Variants in PCDHGA7 observed in about 807,000 individuals in gnomAD.
The protein encoded by PCDHGA7 is protocadherin gamma-A7.
In PCDHGA7, 44 loss-of-function variants were observed where a neutral mutation model predicts 58.3. The ratio of observed to expected loss-of-function variants is 0.75; its 90% CI spans 0.59 to 0.97. The LOEUF is 0.97. Ranked by LOEUF, PCDHGA7 falls within the 50% of genes least tolerant of loss-of-function variation. The pLI is 0.00. For missense variants in PCDHGA7, 1,266 were observed against 1,188.7 expected (o/e 1.06, Z -0.96); for synonymous variants, 516 against 504.2 (o/e 1.02, Z -0.31).
At chr5:141,414,118 G>C (rs559064215) in intron 1 of PCDHGA7, 1 of 1,592,490 alleles carries the variant, frequency 6.3e-7, no homozygotes, top group Admixed American at 1.8e-5. Flanking sequence ...AGATTATGAA[G>C]AAACCGGTTT....
chr5:141,415,966 C>G, intron 1 of PCDHGA7: 1 of 405,604 alleles, frequency 2.5e-6, no homozygotes, highest in Non-Finnish European at 4.0e-6. Flanking sequence ...AAACTCCAGC[C>G]CCTTAAGCAA....
Position 141,384,902 on chromosome 5 carries a change from T to A in PCDHGA7, c.2003T>A (p.Ile668Asn). 3.1e-6 allele frequency: 5 copies of A among 1,613,898 alleles called. No homozygotes were observed. The highest frequency in any genetic ancestry group is 4.2e-6 in the Non-Finnish European group (5 of 1,180,006). ...VTLTVAVADS[I>N]PEVLADLGSL... ...CTCACCGTGGCTGTGGCTGACAGCA[T>A]CCCCGAAGTCTTGGCCGACCTGGGC... is the stretch of plus-strand genomic sequence containing the variant. The change falls in exon 1 of 4, where the codon ATC (isoleucine) becomes AAC (asparagine). Residue 668 changes from isoleucine to asparagine, a missense_variant. By Grantham distance (149) the Ile-to-Asn change is moderately radical. Coordinates refer to ENST00000518325, the MANE Select transcript of PCDHGA7 (RefSeq NM_018920.4).
chr5:141,412,790 A>G lies in PCDHGA7; in HGVS notation c.2424+27467A>G, dbSNP rs557299291. ...ATTTACAATATTTTCACTCCACTTTATCACACCTCCCCTAAGAAACCTACA... is the reference window on the plus strand; with the variant it reads ...ATTTACAATATTTTCACTCCACTTTGTCACACCTCCCCTAAGAAACCTACA... On this transcript the variant is annotated intron_variant, in intron 1 of 3. Coordinates refer to ENST00000518325, the MANE Select transcript of PCDHGA7 (RefSeq NM_018920.4). Among the ~76,000 whole-genome samples the G allele has an allele frequency of 2.0e-5, 3 of 152,370 alleles. No individual in the cohort carries two copies. The South Asian group carries it at 6.2e-4, about 32-fold the overall frequency.
rs749503295 is a variant in PCDHGA7 at position 141,383,515 on chromosome 5, C to A, written c.616C>A (p.Arg206=). Residue 206 remains arginine, a synonymous_variant, in exon 1 of 4, where the codon CGG becomes AGG. Transcript: ENST00000518325. ...LERVLDREEE[R]VHHLVLTASD... ...GCGGGTGCTGGACCGGGAGGAAGAG[C>A]GGGTTCACCACCTGGTCCTCACAGC... 4 of 1,612,348 alleles carry A rather than the reference C, an allele frequency of 2.5e-6. No individual in the cohort carries two copies. Among genetic ancestry groups the A allele is most frequent in the Admixed American group, 1.7e-5 (1 of 59,760 alleles).
chr5:141,388,384 T>G, intron 1 of PCDHGA7: 3 of 1,614,014 alleles, frequency 1.9e-6, no homozygotes, highest in Non-Finnish European at 2.5e-6. Context: ...AGCAACACAC[T>G]GCAGAATTAC....
rs759862188 is a variant in PCDHGA7, at chr5:141,383,373, G to A, written c.474G>A (p.Gly158=). Residue 158 remains glycine, a synonymous_variant, in exon 1 of 4, where the codon GGG becomes GGA. Coordinates refer to ENST00000518325, the MANE Select transcript of PCDHGA7 (RefSeq NM_018920.4). ...PGVRFPLSEA[G]DPDVGTNSLQ... is the part of the protein sequence containing the mutation. ...TTCGGTTTCCGTTAAGCGAGGCTGG[G>A]GATCCAGATGTGGGCACGAACTCCC... 1.2e-6 allele frequency: 2 copies of A among 1,614,030 alleles called. No homozygotes were observed. Among genetic ancestry groups the A allele is most frequent in the South Asian group, 2.2e-5 (2 of 91,088 alleles).
At position 141,487,610 on chromosome 5, in the gene PCDHGA7, C is replaced by A; in HGVS notation, c.2425-7197C>A. On this transcript the variant is annotated intron_variant, in intron 1 of 3. Transcript: ENST00000518325. The surrounding 1 kb of genome is among the most constrained non-coding windows in gnomAD (Gnocchi z 5.0). ...CCCACCCTCTGATCTTCTCTATGGG[C>A]TAGAGGTGAGACCTTTGCAGGCTCA... The A allele has an allele frequency of 6.2e-7, 1 of 1,614,190 alleles. No homozygotes were observed. The highest frequency in any genetic ancestry group is 1.1e-5 in the South Asian group (1 of 91,078).
In PCDHGA7 at chr5:141,487,227, G is replaced by A. The variant is rs763361726; in HGVS notation, c.2425-7580G>A. The A allele has an allele frequency of 6.2e-7, 1 of 1,614,070 alleles. No individual in the cohort carries two copies. Among genetic ancestry groups the A allele is most frequent in the Non-Finnish European group, 8.5e-7 (1 of 1,179,952 alleles). On this transcript the variant is annotated intron_variant, in intron 1 of 3. Transcript: ENST00000518325. The surrounding 1 kb of genome is among the most constrained non-coding windows in gnomAD (Gnocchi z 5.0). The stretch of plus-strand genomic sequence containing the variant: ...CGAGAATCTTCAGCTCCAAGGGAAG[G>A]AGAATCTCGTCTAACCCTCTACTTG...
chr5:141,485,070 G>A lies in PCDHGA7; in HGVS notation c.2425-9737G>A. On this transcript the variant is annotated intron_variant, in intron 1 of 3. Coordinates refer to ENST00000518325, the MANE Select transcript of PCDHGA7 (RefSeq NM_018920.4). The surrounding 1 kb of genome is among the most constrained non-coding windows in gnomAD (Gnocchi z 5.7). ...CGCCGGCCGAACCGCGCCAGAGCTG[G>A]CGCGGGGAAAGGGAGATAGGTGTCT... is the stretch of plus-strand genomic sequence containing the variant. The A allele has an allele frequency of 1.1e-6, 1 of 908,406 alleles. No individual in the cohort carries two copies. Among genetic ancestry groups the A allele is most frequent in the Non-Finnish European group, 1.7e-6 (1 of 580,008 alleles). 56.3% of individuals were successfully genotyped at this position (908,406 alleles called of 1,614,324 possible). A position where few individuals can be genotyped will look rare whatever the true frequency, so the allele number is the denominator to read the frequency against.
chr5:141,401,819 G>A (rs2094196222), intron 1 of PCDHGA7, among the ~76,000 whole-genome samples: 3 of 152,280 alleles, frequency 2.0e-5, no homozygotes, highest in Middle Eastern at 3.4e-3. Flanking sequence ...TCCTTACAAA[G>A]TGCTGAGATT....
intron 1 of PCDHGA7, among the ~76,000 whole-genome samples, chr5:141,387,115 T>C (rs2090824355): frequency 6.6e-6 from 1 of 152,224 alleles, no homozygotes. Context: ...AATATTCCTG[T>C]AATGAAATCA....
At chr5:141,510,349 C>T (rs1461596705) in intron 3 of PCDHGA7, among the ~76,000 whole-genome samples, 1 of 148,468 alleles carries the variant, frequency 6.7e-6, no homozygotes, top group Non-Finnish European at 1.5e-5. Context: ...CACACACTTA[C>T]TAACGGAACT....
At chr5:141,410,631 C>A (rs1227907799) in intron 1 of PCDHGA7, 1 of 1,600,936 alleles carries the variant, frequency 6.2e-7, no homozygotes, top group East Asian at 2.2e-5. Context: ...GTGAGTTTCT[C>A]TTTTTTGTGT....
At position 141,511,319 on chromosome 5, in the gene PCDHGA7, C is replaced by T. The variant is rs2099883711; in HGVS notation, c.*146C>T. On this transcript the variant is annotated 3_prime_UTR_variant, in exon 4 of 4. Coordinates refer to ENST00000518325, the MANE Select transcript of PCDHGA7 (RefSeq NM_018920.4). ...CCATGCTCCCCTTGGGAAACAGAAA[C>T]AAGTGCCCAGTCAGCACCTACCCCT... 1.4e-6 allele frequency: 2 copies of T among 1,477,302 alleles called. No homozygotes were observed. The highest frequency in any genetic ancestry group is 1.4e-5 in the African/African-American group (1 of 70,920). 91.5% of individuals were successfully genotyped at this position (1,477,302 alleles called of 1,614,324 possible).
In PCDHGA7 at chr5:141,478,136, C is replaced by G. The variant is rs529858044; in HGVS notation, c.2425-16671C>G. 1.4e-4 allele frequency: 218 copies of G among 1,614,048 alleles called. 3 individuals are homozygous for G. The South Asian group carries it at 2.2e-3, about 17-fold the overall frequency. ...AGTAACCGAGGACTCTCCTGAAGCC[C>G]GAGCCGAGTTCCCCTCTGGCTCTGC... is the stretch of plus-strand genomic sequence containing the variant. On this transcript the variant is annotated intron_variant, in intron 1 of 3. Coordinates refer to ENST00000518325, the MANE Select transcript of PCDHGA7 (RefSeq NM_018920.4).
At chr5:141,429,929 T>A (rs2097253197) in intron 1 of PCDHGA7, among the ~76,000 whole-genome samples, 1 of 152,240 alleles carries the variant, frequency 6.6e-6, no homozygotes, top group African/African-American at 2.4e-5. Flanking sequence ...AATAGAATTC[T>A]GGAGTACTTC....
intron 1 of PCDHGA7, chr5:141,407,951 A>C: frequency 1.7e-6 from 1 of 578,566 alleles, no homozygotes; most frequent in Non-Finnish European, 2.8e-6. Context: ...GCTGTCGGCC[A>C]GTGCAGAGCA....
chr5:141,501,891 T>G (rs2099811650), intron 2 of PCDHGA7, among the ~76,000 whole-genome samples: 1 of 152,128 alleles, frequency 6.6e-6, no homozygotes, highest in Admixed American at 6.5e-5. Context: ...CTGATCATCA[T>G]GGTTCCAACC....
Position 141,491,454 on chromosome 5 carries a change from C to T in PCDHGA7, c.2425-3353C>T. The T allele has an allele frequency of 1.9e-6, 3 of 1,614,120 alleles. No individual in the cohort carries two copies. The highest frequency in any genetic ancestry group is 2.5e-6 in the Non-Finnish European group (3 of 1,180,032). On this transcript the variant is annotated intron_variant, in intron 1 of 3. Coordinates refer to ENST00000518325, the MANE Select transcript of PCDHGA7 (RefSeq NM_018920.4). This position sits in a 1 kb window ranked among gnomAD's most constrained non-coding sequence, Gnocchi z 6.9. ...GCTGCAGGCGCCAGGACTCACCCTCCCCGGACTTCTATAAGCAGTCCAGCC... is the reference window on the plus strand; with the variant it reads ...GCTGCAGGCGCCAGGACTCACCCTCTCCGGACTTCTATAAGCAGTCCAGCC...
Sources: gnomAD v4.1 joint callset for allele counts (sites outside exome capture counted in the v4.1 genomes callset) on GRCh38, gnomAD v4.1.1 for gene constraint, Gnocchi (gnomAD v3.1) non-coding constraint, MANE v1.5 for transcripts, NCBI Gene and HGNC (gene_info 2026-07-23, HGNC 2026-07-21) for gene names.